TNNT2: variants seen among roughly 807,000 people sequenced by gnomAD.
The protein encoded by TNNT2 is troponin T, cardiac muscle.
A neutral mutation model predicts 62.4 loss-of-function variants in TNNT2; 34 were observed. That is an observed-to-expected ratio of 0.54 (90% confidence interval 0.41 to 0.72). TNNT2 has a LOEUF of 0.72. Among genes scored for constraint, TNNT2 ranks in the 30% least tolerant of loss-of-function variants. TNNT2 has a pLI of 0.00. For synonymous variants in TNNT2, 123 were observed against 127.2 expected (o/e 0.97, Z 0.22); for missense variants, 275 against 381.9 (o/e 0.72, Z 2.33).
chr1:201,370,506 A>T (rs1441797126), intron 4 of TNNT2, among the ~76,000 whole-genome samples: 1 of 152,224 alleles, frequency 6.6e-6, no homozygotes, highest in African/African-American at 2.4e-5. Flanking sequence ...TATCTGCCCA[A>T]AAAAACAGTT....
Position 201,372,141 on chromosome 1 carries a change from T to C in TNNT2, c.52+4A>G. ...TCCAAATGAGTACACACGTTTACGC[T>C]TACCTTCCTGCTCCCTGAGAGCAAC... On this transcript the variant is annotated splice_donor_region_variant and intron_variant, in intron 3 of 16. Coordinates refer to ENST00000656932, the MANE Select transcript of TNNT2 (RefSeq NM_001276345.2). 1 of 1,614,172 alleles carries C rather than the reference T, an allele frequency of 6.2e-7. No homozygotes were observed. The highest frequency in any genetic ancestry group is 8.5e-7 in the Non-Finnish European group (1 of 1,180,040).
chr1:201,374,312 TCACTG>T (rs1427713175), intron 1 of TNNT2: 1 of 152,134 alleles, frequency 6.6e-6, no homozygotes, highest in Non-Finnish European at 1.5e-5. Flanking sequence ...GATCATCTTC[TCACTG>T]CACTGGGAAC....
chr1:201,373,359 G>A, intron 1 of TNNT2, 91 bp from the exon 2 acceptor site: 1 of 1,140,060 alleles, frequency 8.8e-7, no homozygotes, highest in Non-Finnish European at 1.3e-6. Flanking sequence ...AGATCAGCGA[G>A]GCCTAGGGTG....
At chr1:201,377,569 T>C (rs540714758) in intron 1 of TNNT2, 54 bp downstream of exon 1, 1 of 456,106 alleles carries the variant, frequency 2.2e-6, no homozygotes, top group Non-Finnish European at 4.4e-6. Flanking sequence ...GACCCTCACA[T>C]CTCCCCGTCC....
At chr1:201,369,052 G>A (rs1376515657) in intron 5 of TNNT2, among the ~76,000 whole-genome samples, 4 of 152,118 alleles carry the variant, frequency 2.6e-5, no homozygotes, top group East Asian at 1.9e-4. Flanking sequence ...GAGGGCTAGC[G>A]AGGAAGGACA....
At chr1:201,372,970 C>G (rs919791582) in intron 2 of TNNT2, 6 of 659,254 alleles carry the variant, frequency 9.1e-6, no homozygotes, top group Non-Finnish European at 1.7e-5. Context: ...TGGCCAAGGA[C>G]ACTGATGACC....
intron 5 of TNNT2, chr1:201,369,243 C>T (rs913085914): frequency 1.1e-5 from 5 of 469,450 alleles, no homozygotes; most frequent in African/African-American, 4.0e-5. Context: ...TGTCAGAACG[C>T]ACTTTCTAAA....
chr1:201,376,696 C>T (rs2102336406), intron 1 of TNNT2, among the ~76,000 whole-genome samples: 2 of 152,314 alleles, frequency 1.3e-5, no homozygotes, highest in South Asian at 4.1e-4. Context: ...AAATTCCTTA[C>T]ACACCAGGCA....
Position 201,364,319 on chromosome 1 carries a change from C to T in TNNT2, c.468G>A (p.Lys156=). The T allele has an allele frequency of 6.2e-7, 1 of 1,613,170 alleles. No individual in the cohort carries two copies. Among genetic ancestry groups the T allele is most frequent in the Non-Finnish European group, 8.5e-7 (1 of 1,179,992 alleles). ...TCACAGCCAGGCGGTTCTGCCGCTC[C>T]TTCTCCCGCTCATTCCGGATGCGCT... ...EQQRIRNERE[K]ERQNRLAEER... is the part of the protein sequence containing the mutation. The change falls in exon 11 of 17, where the codon AAG becomes AAA. Residue 156 remains lysine (K), a synonymous_variant. Transcript: ENST00000656932.
intron 8 of TNNT2, 171 bp from the exon 9 acceptor site, chr1:201,365,841 C>A: frequency 6.6e-7 from 1 of 1,510,116 alleles, no homozygotes; most frequent in South Asian, 1.3e-5. Flanking sequence ...CAGCCTTGCT[C>A]AGCACCTGGG....
chr1:201,361,468 T>G, intron 14 of TNNT2, 99 bp from the exon 15 acceptor site: 1 of 1,155,152 alleles, frequency 8.7e-7, no homozygotes, highest in Non-Finnish European at 1.3e-6. Flanking sequence ...CCAGCCCTCC[T>G]TCCCACCTCC....
chr1:201,375,351 G>A (rs190920966), intron 1 of TNNT2: 24 of 152,346 alleles, frequency 1.6e-4, no homozygotes, highest in Non-Finnish European at 2.4e-4. Context: ...GCAGCAGAGT[G>A]GTCCTTCCGC....
At position 201,365,341 on chromosome 1, in the gene TNNT2, A is replaced by G. The variant is rs750415857; in HGVS notation, c.295-34T>C. The G allele has an allele frequency of 7.0e-6, 11 of 1,571,646 alleles. No homozygotes were observed. In the East Asian group the frequency reaches 2.2e-4, roughly 32 times the overall value. ...GGACCGCTGCGGCTCAGAGGCTGCC[A>G]CTCCAAAGAGTCCAGAGGAGAGATG... On this transcript the variant is annotated intron_variant, in intron 9 of 16. Coordinates refer to ENST00000656932, the MANE Select transcript of TNNT2 (RefSeq NM_001276345.2).
chr1:201,363,313 C>A lies in TNNT2; in HGVS notation c.583G>T (p.Gly195Trp), dbSNP rs764777623. ...CTACCTACCTTCTGGATGTAACCCC[C>A]AAAATGCATCATGTTGGACAAAGCC... is the stretch of plus-strand genomic sequence containing the variant. ...KKALSNMMHF[G>W]GYIQKQAQTE... is the part of the protein sequence containing the mutation. The change falls in exon 12 of 17, where the codon GGG becomes TGG. Residue 195 changes from glycine to tryptophan, a missense_variant. Coordinates refer to ENST00000656932, the MANE Select transcript of TNNT2 (RefSeq NM_001276345.2). The A allele has an allele frequency of 2.5e-6, 4 of 1,614,090 alleles. No individual in the cohort carries two copies. The highest frequency in any genetic ancestry group is 2.7e-5 in the African/African-American group (2 of 74,924).
At chr1:201,361,440 G>T in intron 14 of TNNT2, 71 bp from the exon 15 acceptor site, 1 of 1,403,200 alleles carries the variant, frequency 7.1e-7, no homozygotes, top group African/African-American at 1.4e-5. Context: ...TCCTGGTCCC[G>T]GCCCAGCCCC....
At chr1:201,364,232 C>A in intron 11 of TNNT2, 66 bp downstream of exon 11, 2 of 1,504,876 alleles carry the variant, frequency 1.3e-6, no homozygotes, top group Non-Finnish European at 1.8e-6. Context: ...TAGAGAGGGG[C>A]CTGGGGGCCC....
chr1:201,377,047 A>G (rs1241259446), intron 1 of TNNT2, among the ~76,000 whole-genome samples: 1 of 152,204 alleles, frequency 6.6e-6, no homozygotes, highest in African/African-American at 2.4e-5. Flanking sequence ...GGCGCTGCAG[A>G]GGACCCTGCA....
chr1:201,373,364 A>G, intron 1 of TNNT2, 96 bp from the exon 2 acceptor site: 1 of 1,086,744 alleles, frequency 9.2e-7, no homozygotes, highest in Non-Finnish European at 1.4e-6. Context: ...AGCGAGGCCT[A>G]GGGTGAATCT....
intron 1 of TNNT2, 109 bp from the exon 2 acceptor site, chr1:201,373,377 T>C: frequency 1.1e-6 from 1 of 941,660 alleles, no homozygotes; most frequent in South Asian, 1.3e-5. Flanking sequence ...GTGAATCTAG[T>C]TCCACCCCTC....
Sources: allele counts gnomAD v4.1 joint callset (sites outside exome capture counted in the v4.1 genomes callset), GRCh38; gene constraint gnomAD v4.1.1; transcripts MANE v1.5; gene names NCBI Gene and HGNC (gene_info 2026-07-23, HGNC 2026-07-21).